The following METTL26 variants were observed in gnomAD, a reference collection of about 807,000 sequenced individuals.
METTL26 encodes the protein methyltransferase-like 26.
METTL26 carries 28 observed loss-of-function variants against 24.7 expected under a neutral mutation model. That is an observed-to-expected ratio of 1.13 (90% confidence interval 0.84 to 1.55). METTL26 has a LOEUF of 1.55. Among genes scored for constraint, METTL26 ranks in the 40% most tolerant of loss-of-function variants. The pLI, the probability that METTL26 is intolerant of heterozygous loss-of-function variation, is 0.00. For missense variants in METTL26, 344 were observed against 281.2 expected, an observed-to-expected ratio of 1.22 and a Z score of -1.60; for synonymous variants, 165 against 125.2, an observed-to-expected ratio of 1.32 and a Z score of -2.12.
chr16:635,468 G>A (rs1194171791), intron 2 of METTL26, 128 bp from the exon 3 acceptor site: 1 of 612,988 alleles, frequency 1.6e-6, no homozygotes, highest in Non-Finnish European at 3.0e-6. Context: ...TGATGGGGGA[G>A]GCTGGAGACC....
intron 3 of METTL26, 45 bp downstream of exon 3, chr16:635,236 G>T: frequency 1.3e-6 from 2 of 1,535,598 alleles, no homozygotes; most frequent in Non-Finnish European, 8.8e-7. Context: ...GGAGACAGCA[G>T]CTAGGACTGG....
chr16:636,033 C>T (rs2037153980), intron 1 of METTL26, 61 bp downstream of exon 1: 1 of 1,438,862 alleles, frequency 6.9e-7, no homozygotes, highest in Non-Finnish European at 9.1e-7. Context: ...GGCTGCGGGC[C>T]GTGGGCTCTT....
Position 634,560 on chromosome 16 carries a change from CG to C in METTL26, c.*36del, listed in dbSNP as rs1209340126. The C allele has an allele frequency of 3.2e-5, 52 of 1,613,046 alleles. No homozygotes were observed. Among genetic ancestry groups the C allele is most frequent in the Non-Finnish European group, 4.4e-5 (52 of 1,179,934 alleles). On this transcript the variant is annotated 3_prime_UTR_variant, in exon 6 of 6. Transcript: ENST00000301686. ...CAGGGTTCGTGCCTCACAGAGCCTC[CG>C]GCAGGGATGCAGGTGTGCGGGGGTG...
intron 3 of METTL26, 130 bp from the exon 4 acceptor site, chr16:635,086 C>G: frequency 6.6e-7 from 1 of 1,516,912 alleles, no homozygotes; most frequent in Non-Finnish European, 8.8e-7. Context: ...GGGAGTCAGC[C>G]AAGGCCAGCC....
At position 636,285 on chromosome 16, in the gene METTL26, C is replaced by A; in HGVS notation, c.6G>T (p.Leu2=). The A allele has an allele frequency of 6.9e-7, 1 of 1,445,062 alleles. No homozygotes were observed. The allele number at this position is 1,445,062 out of a possible 1,614,324, so 89.5% of individuals were successfully genotyped here. Residue 2 remains leucine, a synonymous_variant, in exon 1 of 6, where the codon CTG becomes CTT. Coordinates refer to ENST00000301686, the MANE Select transcript of METTL26 (RefSeq NM_032366.5). The part of the protein sequence containing the change: M[L]VAAAAERNKD... The stretch of plus-strand genomic sequence containing the variant: ...TGTTCCGCTCCGCGGCCGCCGCCAC[C>A]AGCATCGCGGCAGCAACAACTCCCC...
At chr16:635,085 C>A in intron 3 of METTL26, 129 bp from the exon 4 acceptor site, 1 of 1,516,550 alleles carries the variant, frequency 6.6e-7, no homozygotes, top group Non-Finnish European at 8.8e-7. Flanking sequence ...AGGGAGTCAG[C>A]CAAGGCCAGC....
chr16:635,870 TGAG>T (rs2037142050), intron 1 of METTL26, 96 bp from the exon 2 acceptor site: 1 of 1,436,854 alleles, frequency 7.0e-7, no homozygotes. Context: ...GGGGGCACGT[TGAG>T]GAGCGGAGAC....
Position 636,093 on chromosome 16 carries a change from C to T in METTL26, c.197+1G>A. 1 of 1,406,726 alleles carries T rather than the reference C, an allele frequency of 7.1e-7. No homozygotes were observed. The highest frequency in any genetic ancestry group is 2.8e-5 in the East Asian group (1 of 35,782). The allele number at this position is 1,406,726 out of a possible 1,614,324, so 87.1% of individuals were successfully genotyped here. ...AGAAGTGGCCGCCCCGGGGGCCGCA[C>T]CTGTCCAGGCAGCGCTGGTCCACGT... On this transcript the variant is annotated splice_donor_variant, in intron 1 of 5. Transcript: ENST00000301686. LOFTEE classifies it high-confidence loss of function.
chr16:636,191 C>T lies in METTL26; in HGVS notation c.100G>A (p.Val34Met), dbSNP rs973525679. The change falls in exon 1 of 6, where the codon GTG becomes ATG. Residue 34 changes from valine to methionine, a missense_variant. Coordinates refer to ENST00000301686, the MANE Select transcript of METTL26 (RefSeq NM_032366.5). ...PAQRGVRVLE[V>M]ASGSGQHAAH... ...GCGTGCTGGCCGGAGCCCGAGGCCA[C>T]CTCGAGGACGCGGACGCCACGCTGG... The T allele has an allele frequency of 6.7e-7, 1 of 1,489,460 alleles. No homozygotes were observed. The highest frequency in any genetic ancestry group is 8.9e-7 in the Non-Finnish European group (1 of 1,126,228). 92.3% of individuals were successfully genotyped at this position (1,489,460 alleles called of 1,614,324 possible).
At chr16:635,585 G>A (rs1418155882) in intron 2 of METTL26, 27 bp downstream of exon 2, 8 of 1,547,456 alleles carry the variant, frequency 5.2e-6, no homozygotes, top group Admixed American at 3.9e-5. Flanking sequence ...TGCCACGGCA[G>A]ACACCCATGC....
chr16:635,156 T>A, intron 3 of METTL26, 125 bp downstream of exon 3: 1 of 1,465,676 alleles, frequency 6.8e-7, no homozygotes, highest in Non-Finnish European at 9.1e-7. Context: ...AGACTGGAAG[T>A]GGAGGGGAGG....
In METTL26 at chr16:634,894, T is replaced by C. The variant is rs1379086928; in HGVS notation, c.483A>G (p.Arg161=). Residue 161 remains arginine, a synonymous_variant, in exon 4 of 6, where the codon AGA becomes AGG. Coordinates refer to ENST00000301686, the MANE Select transcript of METTL26 (RefSeq NM_032366.5). Reference sequence around the variant, plus strand: ...CCCCCGCCTCTAGCTCTGACCTGCATCTGAGCATCAGGTCAAAGTCCACGT... The same window carrying C: ...CCCCCGCCTCTAGCTCTGACCTGCACCTGAGCATCAGGTCAAAGTCCACGT... ...QSNVDFDLML[R]CRNPEWGLRD... is the part of the protein sequence containing the mutation. The C allele has an allele frequency of 6.2e-7, 1 of 1,602,160 alleles. No individual in the cohort carries two copies. The highest frequency in any genetic ancestry group is 2.2e-5 in the East Asian group (1 of 44,456).
intron 2 of METTL26, 36 bp downstream of exon 2, chr16:635,576 G>A (rs1177774768): frequency 3.2e-6 from 5 of 1,546,534 alleles, no homozygotes; most frequent in South Asian, 1.2e-5. Flanking sequence ...GGTGAGTGGT[G>A]CCACGGCAGA....
At chr16:635,200 C>G in intron 3 of METTL26, 81 bp downstream of exon 3, 1 of 1,498,870 alleles carries the variant, frequency 6.7e-7, no homozygotes, top group Non-Finnish European at 9.0e-7. Flanking sequence ...GCAGGGAGCC[C>G]AGGAGGGAGG....
chr16:635,255 G>A, intron 3 of METTL26, 26 bp downstream of exon 3: 1 of 1,554,620 alleles, frequency 6.4e-7, no homozygotes, highest in Non-Finnish European at 8.7e-7. Flanking sequence ...GGGAGCGGGA[G>A]GCCCGCCGTG....
At chr16:634,867 A>AC (rs758559114) in intron 4 of METTL26, 22 bp downstream of exon 4, 33 of 1,548,508 alleles carry the variant, frequency 2.1e-5, no homozygotes, top group Non-Finnish European at 2.7e-5. Flanking sequence ...CCTGAGCCAG[A>AC]CCCCCCGCCT....
At position 635,264 on chromosome 16, in the gene METTL26, TG is replaced by T; in HGVS notation, c.420+16del. The stretch of plus-strand genomic sequence containing the variant: ...AGGACTGGGAGCGGGAGGCCCGCCG[TG>T]GACAGGCCCACTCACCCCGTAGGTG... On this transcript the variant is annotated intron_variant, in intron 3 of 5. Transcript: ENST00000301686. 1 of 1,566,420 alleles carries T rather than the reference TG, an allele frequency of 6.4e-7. No homozygotes were observed. The highest frequency in any genetic ancestry group is 8.7e-7 in the Non-Finnish European group (1 of 1,151,508).
intron 1 of METTL26, 132 bp downstream of exon 1, chr16:635,962 G>A (rs2037149241): frequency 1.5e-6 from 2 of 1,367,046 alleles, no homozygotes; most frequent in South Asian, 1.5e-5. Context: ...GCCTGCCCCG[G>A]GGGCACCCCC....
In METTL26 at chr16:634,509, C is replaced by A; in HGVS notation, c.*88G>T. 2 of 1,610,048 alleles carry A rather than the reference C, an allele frequency of 1.2e-6. No individual in the cohort carries two copies. The highest frequency in any genetic ancestry group is 2.2e-5 in the East Asian group (1 of 44,864). ...GAGAGCACAGACTGGGTGGGGCTGT[C>A]GTCCACAAGGTCCGGCCTAGGGAGG... On this transcript the variant is annotated 3_prime_UTR_variant, in exon 6 of 6. Coordinates refer to ENST00000301686, the MANE Select transcript of METTL26 (RefSeq NM_032366.5).
Sources: allele counts gnomAD v4.1 joint callset, GRCh38; gene constraint gnomAD v4.1.1; transcripts MANE v1.5; gene names NCBI Gene and HGNC (gene_info 2026-07-23, HGNC 2026-07-21).